The following RAPGEF5 variants were observed in gnomAD, a reference collection of about 807,000 sequenced individuals.
RAPGEF5 encodes Rap guanine nucleotide exchange factor 5, also known as M-Ras-regulated GEF.
In RAPGEF5, 65 loss-of-function variants were observed where a neutral mutation model predicts 125.2. That is an observed-to-expected ratio of 0.52 (90% CI 0.43 to 0.64). The LOEUF (loss-of-function observed/expected upper bound fraction) is 0.64, where lower values mean the gene tolerates loss of function less well. Among genes scored for constraint, RAPGEF5 ranks in the 30% least tolerant of loss-of-function variants. RAPGEF5 has a pLI of 0.00. For synonymous variants in RAPGEF5, 391 were observed against 385.9 expected (o/e 1.01, Z -0.16); for missense variants, 958 against 1,048.1 (o/e 0.91, Z 1.19).
intron 24 of RAPGEF5, among the ~76,000 whole-genome samples, chr7:22,130,808 A>T (rs1337280920): frequency 1.3e-5 from 2 of 152,180 alleles, no homozygotes; most frequent in Admixed American, 1.3e-4. Context: ...AGATTTTCAT[A>T]TTTGGTTCAC....
rs1398853920 is a variant in RAPGEF5 at position 22,118,819 on chromosome 7, AT to A, written c.*3586del. 2 of 152,742 alleles carry A rather than the reference AT, an allele frequency of 1.3e-5. No individual in the cohort carries two copies. The highest frequency in any genetic ancestry group is 3.9e-4 in the East Asian group (2 of 5,186). 9.5% of individuals were successfully genotyped at this position (152,742 alleles called of 1,614,324 possible). On this transcript the variant is annotated 3_prime_UTR_variant, in exon 26 of 26. Coordinates refer to ENST00000665637, the MANE Select transcript of RAPGEF5 (RefSeq NM_012294.5). ...CAAATAAATATTACTCTGCTAAAAA[AT>A]GTTTAGTATATACAGCTTTGCTTTA...
chr7:22,236,264 T>A (rs1301433909), intron 7 of RAPGEF5, among the ~76,000 whole-genome samples: 1 of 152,196 alleles, frequency 6.6e-6, no homozygotes, highest in East Asian at 1.9e-4. Flanking sequence ...GGTTTCAACT[T>A]TCACTGCAAT....
chr7:22,245,305 T>G (rs1786447260), intron 7 of RAPGEF5, among the ~76,000 whole-genome samples: 1 of 152,224 alleles, frequency 6.6e-6, no homozygotes, highest in African/African-American at 2.4e-5. Flanking sequence ...TGCAGAAGCT[T>G]CTTAGTTTGA....
chr7:22,242,947 C>CAAAAAAA (rs537954162), intron 7 of RAPGEF5, among the ~76,000 whole-genome samples: 1 of 65,768 alleles, frequency 1.5e-5, no homozygotes, highest in Non-Finnish European at 3.4e-5. Context: ...AACTCCGTCT[C>CAAAAAAA]AAAAAAAAAA....
Position 22,329,118 on chromosome 7 carries a change from G to C in RAPGEF5, c.232-11081C>G, listed in dbSNP as rs553422683. Among the ~76,000 whole-genome samples, 36 of 152,284 alleles carry C rather than the reference G, an allele frequency of 2.4e-4. No homozygotes were observed. In the South Asian group the frequency reaches 3.3e-3, roughly 14 times the overall value. ...TCATAAGGGATTCTATTTTTAGAAT[G>C]CTCTCAATTTTTAATTTTAATCAAA... On this transcript the variant is annotated intron_variant, in intron 1 of 25. Coordinates refer to ENST00000665637, the MANE Select transcript of RAPGEF5 (RefSeq NM_012294.5).
At chr7:22,270,501 C>CCA (rs1266010823) in intron 6 of RAPGEF5, among the ~76,000 whole-genome samples, 1 of 152,202 alleles carries the variant, frequency 6.6e-6, no homozygotes, top group Non-Finnish European at 1.5e-5. Context: ...TGAAATAGAG[C>CCA]CACTGTTGGG....
intron 1 of RAPGEF5, among the ~76,000 whole-genome samples, chr7:22,335,205 A>G (rs1373796291): frequency 1.3e-5 from 2 of 152,222 alleles, no homozygotes; most frequent in Non-Finnish European, 2.9e-5. Context: ...AAAGCAAGAA[A>G]TAGTGGTGTT....
At chr7:22,338,279 C>G (rs1015888012) in intron 1 of RAPGEF5, among the ~76,000 whole-genome samples, 2 of 152,208 alleles carry the variant, frequency 1.3e-5, no homozygotes, top group Admixed American at 6.5e-5. Flanking sequence ...TAATGTAGCT[C>G]TAACTCTGGT....
At chr7:22,170,010 CAA>C (rs879869151) in intron 11 of RAPGEF5, among the ~76,000 whole-genome samples, 1 of 135,554 alleles carries the variant, frequency 7.4e-6, no homozygotes. Flanking sequence ...GACTCTGTCT[CAA>C]AAAAAAAAAA....
At chr7:22,321,607 T>G (rs1193719524) in intron 1 of RAPGEF5, among the ~76,000 whole-genome samples, 1 of 152,206 alleles carries the variant, frequency 6.6e-6, no homozygotes, top group African/African-American at 2.4e-5. Flanking sequence ...GCCCTTTTAC[T>G]AACATGAACT....
intron 1 of RAPGEF5, among the ~76,000 whole-genome samples, chr7:22,352,348 C>A (rs1439926644): frequency 6.6e-6 from 1 of 150,660 alleles, no homozygotes; most frequent in Non-Finnish European, 1.5e-5. Context: ...GGCTTAAGAC[C>A]AAGGGAAAAA....
chr7:22,316,955 T>C (rs1207493507), intron 2 of RAPGEF5, among the ~76,000 whole-genome samples: 1 of 151,866 alleles, frequency 6.6e-6, no homozygotes, highest in Non-Finnish European at 1.5e-5. Context: ...GCAAATTATT[T>C]TTTAACATGT....
intron 5 of RAPGEF5, among the ~76,000 whole-genome samples, chr7:22,304,447 A>G (rs1041197056): frequency 3.9e-5 from 6 of 152,380 alleles, no homozygotes; most frequent in African/African-American, 1.4e-4. Context: ...ACTGCAAGTA[A>G]TCTGGAGTTA....
At chr7:22,199,800 G>A (rs1289281880) in intron 9 of RAPGEF5, among the ~76,000 whole-genome samples, 2 of 152,256 alleles carry the variant, frequency 1.3e-5, no homozygotes, top group East Asian at 1.9e-4. Flanking sequence ...CTAGAAAGGC[G>A]ACTTTCCACT....
intron 1 of RAPGEF5, among the ~76,000 whole-genome samples, chr7:22,328,472 T>C (rs1783855340): frequency 6.6e-6 from 1 of 152,208 alleles, no homozygotes; most frequent in Admixed American, 6.5e-5. Context: ...CAACCTGCCA[T>C]CACCACTGTT....
chr7:22,253,616 T>A (rs1006573037), intron 7 of RAPGEF5, among the ~76,000 whole-genome samples: 4 of 152,174 alleles, frequency 2.6e-5, no homozygotes, highest in Admixed American at 6.5e-5. Context: ...AGCAATTAGA[T>A]GGAAAGAAGA....
At chr7:22,205,686 T>C (rs1785381137) in intron 9 of RAPGEF5, among the ~76,000 whole-genome samples, 1 of 152,198 alleles carries the variant, frequency 6.6e-6, no homozygotes, top group Admixed American at 6.5e-5. Flanking sequence ...TTGGTATTTC[T>C]AAGAGTTCAA....
intron 16 of RAPGEF5, among the ~76,000 whole-genome samples, chr7:22,155,911 G>A (rs1424139016): frequency 3.3e-5 from 5 of 152,186 alleles, no homozygotes; most frequent in Admixed American, 2.0e-4. Context: ...AAAACTACAC[G>A]ATGAAACTTT....
intron 7 of RAPGEF5, among the ~76,000 whole-genome samples, chr7:22,259,422 T>C (rs1782091318): frequency 6.6e-6 from 1 of 152,218 alleles, no homozygotes; most frequent in African/African-American, 2.4e-5. Context: ...CAAAATAGTA[T>C]AGCCACTTTG....
Sources: allele counts gnomAD v4.1 joint callset (sites outside exome capture counted in the v4.1 genomes callset), GRCh38; gene constraint gnomAD v4.1.1; transcripts MANE v1.5; gene names NCBI Gene and HGNC (gene_info 2026-07-23, HGNC 2026-07-21).